Variants in PLCE1 observed in about 807,000 individuals in gnomAD.
PLCE1 encodes the protein phospholipase C epsilon 1.
In PLCE1, 119 loss-of-function variants were observed where a neutral mutation model predicts 242.8. The observed-to-expected ratio is 0.49, with a 90% CI of 0.42 to 0.57. The LOEUF (loss-of-function observed/expected upper bound fraction) is 0.57, where lower values mean the gene tolerates loss of function less well. Among genes scored for constraint, PLCE1 ranks in the 20% least tolerant of loss-of-function variants. The pLI is 0.00. For missense variants in PLCE1, 2,441 were observed against 2,788.8 expected, an observed-to-expected ratio of 0.88 and a Z score of 2.81; for synonymous variants, 945 against 1,017.4, an observed-to-expected ratio of 0.93 and a Z score of 1.35.
chr10:94,314,360 G>T (rs953857498), intron 28 of PLCE1, among the ~76,000 whole-genome samples: 1 of 152,192 alleles, frequency 6.6e-6, no homozygotes, highest in Non-Finnish European at 1.5e-5. Context: ...AGCTCTTTGG[G>T]AGGCCGAGGC....
chr10:94,002,904 G>A (rs1425190374), intron 1 of PLCE1, among the ~76,000 whole-genome samples: 1 of 152,338 alleles, frequency 6.6e-6, no homozygotes, highest in African/African-American at 2.4e-5. Flanking sequence ...TTTAACAAAT[G>A]AGATTCAGAA....
intron 5 of PLCE1, 152 bp from the exon 6 acceptor site, chr10:94,233,902 C>T (rs148534562): frequency 1.5e-5 from 10 of 675,112 alleles, no homozygotes; most frequent in Non-Finnish European, 2.3e-5. Flanking sequence ...GAGCCAAGAT[C>T]GCACCACTGC....
chr10:94,324,381 C>T lies in PLCE1; in HGVS notation c.6534C>T (p.Ile2178=). 1 of 1,614,144 alleles carries T rather than the reference C, an allele frequency of 6.2e-7. No homozygotes were observed. The highest frequency in any genetic ancestry group is 8.5e-7 in the Non-Finnish European group (1 of 1,180,026). The change falls in exon 31 of 33, where the codon ATC becomes ATT. Residue 2178 remains isoleucine, a synonymous_variant. Transcript: ENST00000371380. ...TLCKAKYSYS[I]LSNPNPSDYV... The stretch of plus-strand genomic sequence containing the variant: ...GCAAAGCCAAATATTCCTACAGCAT[C>T]CTGAGCAACCCCAATCCAAGCGACT...
chr10:94,052,686 TC>T (rs2043798074), intron 2 of PLCE1, among the ~76,000 whole-genome samples: 1 of 152,210 alleles, frequency 6.6e-6, no homozygotes, highest in African/African-American at 2.4e-5. Flanking sequence ...ATGAGGAAAG[TC>T]CAAAGTGTCT....
chr10:94,000,097 G>A lies in PLCE1; in HGVS notation c.-365+5839G>A, dbSNP rs190570127. On this transcript the variant is annotated intron_variant, in intron 1 of 32. Coordinates refer to ENST00000371380, the MANE Select transcript of PLCE1 (RefSeq NM_016341.4). Reference sequence around the variant, plus strand: ...AATGAAGATCTCTATCGTTTACTTCGGCTTTTACCGAGCAGTCCTGCTCTT... The same window carrying A: ...AATGAAGATCTCTATCGTTTACTTCAGCTTTTACCGAGCAGTCCTGCTCTT... Among the ~76,000 whole-genome samples the A allele has an allele frequency of 2.2e-4, 33 of 152,230 alleles. No homozygotes were observed. The East Asian group carries it at 6.0e-3, about 28-fold the overall frequency.
At chr10:94,025,165 G>C (rs905494815) in intron 1 of PLCE1, among the ~76,000 whole-genome samples, 1 of 152,032 alleles carries the variant, frequency 6.6e-6, no homozygotes, top group Non-Finnish European at 1.5e-5. Flanking sequence ...AGCAGCAGAA[G>C]AAAGAGGGGC....
chr10:94,085,142 A>G (rs956016368), intron 2 of PLCE1, among the ~76,000 whole-genome samples: 5 of 152,132 alleles, frequency 3.3e-5, no homozygotes, highest in African/African-American at 1.2e-4. Flanking sequence ...TCATTCAACA[A>G]TCTTGTGTTT....
chr10:94,288,726 G>A (rs1002479512), intron 22 of PLCE1, among the ~76,000 whole-genome samples: 8 of 152,108 alleles, frequency 5.3e-5, no homozygotes, highest in South Asian at 2.1e-4. Flanking sequence ...AGGCTCGTCC[G>A]GAAGATTCTG....
At chr10:94,171,593 C>A in intron 4 of PLCE1, 97 bp downstream of exon 4, 1 of 954,458 alleles carries the variant, frequency 1.0e-6, no homozygotes, top group South Asian at 1.3e-5. Context: ...CTGATGTGTT[C>A]ATTTCATTCT....
chr10:94,177,101 A>G (rs1448359901), intron 4 of PLCE1, among the ~76,000 whole-genome samples: 2 of 152,236 alleles, frequency 1.3e-5, no homozygotes, highest in Non-Finnish European at 2.9e-5. Flanking sequence ...CTCTCTACAC[A>G]ATGACTTAAC....
At chr10:94,262,889 T>C (rs941370918) in intron 14 of PLCE1, among the ~76,000 whole-genome samples, 157 bp downstream of exon 14, 2 of 152,130 alleles carry the variant, frequency 1.3e-5, no homozygotes, top group African/African-American at 4.8e-5. Context: ...TTGGGTGTTT[T>C]TGAGACAGAG....
At chr10:94,263,749 G>T (rs2051402391) in intron 14 of PLCE1, among the ~76,000 whole-genome samples, 1 of 151,756 alleles carries the variant, frequency 6.6e-6, no homozygotes. Context: ...TATTATTAGT[G>T]TATTATTACA....
chr10:94,114,740 G>A (rs1425326002), intron 2 of PLCE1, among the ~76,000 whole-genome samples: 1 of 143,248 alleles, frequency 7.0e-6, no homozygotes, highest in African/African-American at 2.5e-5. Flanking sequence ...GTTTTTTTTT[G>A]TTGTTGTTCT....
chr10:94,286,036 G>T (rs895977071), intron 22 of PLCE1, among the ~76,000 whole-genome samples: 2 of 152,122 alleles, frequency 1.3e-5, no homozygotes, highest in African/African-American at 4.8e-5. Flanking sequence ...CACAAATGGG[G>T]CACCAGGGGG....
chr10:94,285,964 G>A (rs529709157), intron 22 of PLCE1, among the ~76,000 whole-genome samples: 19 of 152,190 alleles, frequency 1.2e-4, no homozygotes, highest in East Asian at 1.2e-3. Context: ...GCCCTTACCC[G>A]TTATACTGCC....
chr10:94,064,270 G>C (rs1460895052), intron 2 of PLCE1, among the ~76,000 whole-genome samples: 2 of 152,148 alleles, frequency 1.3e-5, no homozygotes, highest in African/African-American at 4.8e-5. Context: ...CGTGAGCTTT[G>C]TTCAGACGTG....
At chr10:94,288,454 A>G (rs1397072137) in intron 22 of PLCE1, among the ~76,000 whole-genome samples, 1 of 152,206 alleles carries the variant, frequency 6.6e-6, no homozygotes, top group African/African-American at 2.4e-5. Context: ...GGAGTTGACT[A>G]GAATCCTTGT....
chr10:94,214,838 C>A (rs1471128488), intron 4 of PLCE1, among the ~76,000 whole-genome samples: 1 of 152,168 alleles, frequency 6.6e-6, no homozygotes, highest in Non-Finnish European at 1.5e-5. Flanking sequence ...ACATCGTGAC[C>A]CTGCTCAGTG....
chr10:94,262,837 A>T, intron 14 of PLCE1, 105 bp downstream of exon 14: 2 of 899,602 alleles, frequency 2.2e-6, no homozygotes, highest in Non-Finnish European at 3.8e-6. Context: ...AAAGCCTTTA[A>T]ATCTGGGACA....
Sources: gnomAD v4.1 joint callset for allele counts (sites outside exome capture counted in the v4.1 genomes callset) on GRCh38, gnomAD v4.1.1 for gene constraint, MANE v1.5 for transcripts, NCBI Gene and HGNC (gene_info 2026-07-23, HGNC 2026-07-21) for gene names.